TMCC1: variants seen among roughly 807,000 people sequenced by gnomAD.
TMCC1 encodes the protein transmembrane and coiled-coil domains protein 1.
Under a neutral mutation model 52.4 loss-of-function variants are expected in TMCC1, and 15 were observed. The observed-to-expected ratio is 0.29, with a 90% confidence interval of 0.19 to 0.44. TMCC1 has a LOEUF of 0.44. TMCC1 is among the 20% of genes least tolerant of loss of function. The pLI is 1.00. For synonymous variants in TMCC1, 279 were observed against 301.9 expected (o/e 0.92, Z 0.79); for missense variants, 503 against 806.0 (o/e 0.62, Z 4.55).
intron 5 of TMCC1, among the ~76,000 whole-genome samples, chr3:129,664,681 C>A (rs986047628): frequency 6.6e-6 from 1 of 152,182 alleles, no homozygotes; most frequent in African/African-American, 2.4e-5. Context: ...GGATTCCAGG[C>A]CAGATCCCCT....
At chr3:129,664,337 G>A (rs1248817031) in intron 5 of TMCC1, among the ~76,000 whole-genome samples, 1 of 152,172 alleles carries the variant, frequency 6.6e-6, no homozygotes, top group East Asian at 1.9e-4. Context: ...TATGTCCAAT[G>A]ATGGTCAAAT....
Position 129,732,182 on chromosome 3 carries a change from T to C in TMCC1, c.577-60918A>G, listed in dbSNP as rs113868090. Among the ~76,000 whole-genome samples the C allele has an allele frequency of 1.5e-3, 230 of 152,350 alleles. 3 individuals are homozygous for C. The highest frequency in any genetic ancestry group is 1.5e-3 in the African/African-American group (63 of 41,592). On this transcript the variant is annotated intron_variant, in intron 4 of 6. Coordinates refer to ENST00000393238, the MANE Select transcript of TMCC1 (RefSeq NM_001017395.5). ...CATATACAGTGATGTAGCCAGTGAA[T>C]AGAAATTGTTTTACTTCTTTCTTTC...
Position 129,651,827 on chromosome 3 carries a change from T to A in TMCC1, c.1648-32A>T. 1 of 1,591,644 alleles carries A rather than the reference T, an allele frequency of 6.3e-7. No homozygotes were observed. Among genetic ancestry groups the A allele is most frequent in the Non-Finnish European group, 8.6e-7 (1 of 1,169,086 alleles). On this transcript the variant is annotated intron_variant, in intron 6 of 6. Coordinates refer to ENST00000393238, the MANE Select transcript of TMCC1 (RefSeq NM_001017395.5). This position sits in a 1 kb window ranked among gnomAD's most constrained non-coding sequence, Gnocchi z 5.1. The stretch of plus-strand genomic sequence containing the variant: ...GCCAGAACAGGGAAGAGTTAAGCCT[T>A]CTGCTCACAAGTATTCTGAGATGCT...
chr3:129,811,186 T>C (rs752660742), intron 4 of TMCC1, among the ~76,000 whole-genome samples: 123 of 152,224 alleles, frequency 8.1e-4, no homozygotes, highest in Non-Finnish European at 1.6e-3. Flanking sequence ...ACTACTCCAT[T>C]GTTAAGCTTA....
At chr3:129,691,300 C>A (rs1398442186) in intron 4 of TMCC1, among the ~76,000 whole-genome samples, 4 of 152,142 alleles carry the variant, frequency 2.6e-5, no homozygotes, top group Non-Finnish European at 5.9e-5. Context: ...ATAATCCCAG[C>A]ACTTTAGGAA....
intron 4 of TMCC1, among the ~76,000 whole-genome samples, chr3:129,795,543 A>C (rs1265213620): frequency 1.3e-5 from 2 of 152,236 alleles, no homozygotes; most frequent in Non-Finnish European, 2.9e-5. Flanking sequence ...TGTTGGAATG[A>C]ACCTACTATG....
intron 4 of TMCC1, among the ~76,000 whole-genome samples, chr3:129,825,588 T>C (rs977831436): frequency 2.6e-5 from 4 of 151,760 alleles, no homozygotes; most frequent in Non-Finnish European, 5.9e-5. Flanking sequence ...CAGCCTGGAG[T>C]GCAGCAATAA....
At chr3:129,829,257 A>G (rs945159088) in intron 3 of TMCC1, among the ~76,000 whole-genome samples, 5 of 152,206 alleles carry the variant, frequency 3.3e-5, no homozygotes, top group African/African-American at 7.2e-5. Context: ...CTTTCTCTAT[A>G]GTGTCATCCC....
intron 2 of TMCC1, among the ~76,000 whole-genome samples, chr3:129,841,906 G>A (rs910417601): frequency 3.3e-5 from 5 of 152,092 alleles, no homozygotes; most frequent in African/African-American, 9.7e-5. Context: ...CCAGCCATGC[G>A]GCACTGTGAG....
chr3:129,667,220 T>TAAAAAAA (rs1202933776), intron 5 of TMCC1, among the ~76,000 whole-genome samples: 2 of 85,800 alleles, frequency 2.3e-5, no homozygotes, highest in Non-Finnish European at 4.6e-5. Context: ...CCCTGACTCT[T>TAAAAAAA]AAAAAAAAAA....
chr3:129,832,260 C>T (rs2058955237), intron 3 of TMCC1, among the ~76,000 whole-genome samples: 1 of 152,150 alleles, frequency 6.6e-6, no homozygotes, highest in Non-Finnish European at 1.5e-5. Flanking sequence ...CTCTTTTATT[C>T]ACTCAGCTTC....
intron 4 of TMCC1, among the ~76,000 whole-genome samples, chr3:129,673,314 A>G (rs1012501374): frequency 1.3e-5 from 2 of 152,126 alleles, no homozygotes; most frequent in Non-Finnish European, 2.9e-5. Context: ...TCAGTGCCCA[A>G]TGTCTTCTAG....
intron 4 of TMCC1, among the ~76,000 whole-genome samples, chr3:129,715,213 G>A (rs1489478657): frequency 6.6e-6 from 1 of 152,126 alleles, no homozygotes; most frequent in East Asian, 1.9e-4. Flanking sequence ...TGTCTTTTCT[G>A]AAGACAAATG....
Position 129,743,935 on chromosome 3 carries a change from T to TA in TMCC1, c.577-72672dup, listed in dbSNP as rs748095065. Among the ~76,000 whole-genome samples the TA allele has an allele frequency of 3.5e-3, 490 of 141,594 alleles. 3 individuals are homozygous for TA. The highest frequency in any genetic ancestry group is 0.018 in the Middle Eastern group (5 of 280). 92.9% of individuals were successfully genotyped at this position (141,594 alleles called of 152,430 possible). A position where few individuals can be genotyped will look rare whatever the true frequency, so the allele number is the denominator to read the frequency against. On this transcript the variant is annotated intron_variant, in intron 4 of 6. Transcript: ENST00000393238. ...GTGTCATTTGCCAAGTGCACTTGTT[T>TA]AAAAAAAAAAAAAAGAGTACAGTCA... is the stretch of plus-strand genomic sequence containing the variant.
At position 129,688,244 on chromosome 3, in the gene TMCC1, C is replaced by T. The variant is rs140109018; in HGVS notation, c.577-16980G>A. On this transcript the variant is annotated intron_variant, in intron 4 of 6. Transcript: ENST00000393238. ...AAGCTCATCCTTCATTTGTGCACTG[C>T]CAGAGAAAGCTTGGATGGTAAAAAA... The T allele has an allele frequency of 3.0e-6, 3 of 985,096 alleles. No individual in the cohort carries two copies. In the South Asian group the frequency reaches 1.4e-4, roughly 46 times the overall value. 61.0% of individuals were successfully genotyped at this position (985,096 alleles called of 1,614,324 possible). A position where few individuals can be genotyped will look rare whatever the true frequency, so the allele number is the denominator to read the frequency against.
intron 4 of TMCC1, among the ~76,000 whole-genome samples, chr3:129,675,073 C>T (rs1315902891): frequency 6.6e-6 from 1 of 152,120 alleles, no homozygotes; most frequent in Non-Finnish European, 1.5e-5. Flanking sequence ...TTCCTGACCC[C>T]CAGTGATCTG....
chr3:129,733,466 A>G (rs2050705427), intron 4 of TMCC1, among the ~76,000 whole-genome samples: 1 of 152,344 alleles, frequency 6.6e-6, no homozygotes, highest in Non-Finnish European at 1.5e-5. Flanking sequence ...GAAGCCTCTT[A>G]GTAGATGTGG....
At chr3:129,824,300 C>A (rs1444083562) in intron 4 of TMCC1, among the ~76,000 whole-genome samples, 1 of 152,144 alleles carries the variant, frequency 6.6e-6, no homozygotes, top group Non-Finnish European at 1.5e-5. Context: ...CATGCCGCTG[C>A]ACTCCAGCCT....
Position 129,695,752 on chromosome 3 carries a change from C to G in TMCC1, c.577-24488G>C, listed in dbSNP as rs183982975. 9.2e-5 allele frequency among the ~76,000 whole-genome samples: 14 copies of G among 152,234 alleles called. No homozygotes were observed. The East Asian group carries it at 2.7e-3, about 29-fold the overall frequency. On this transcript the variant is annotated intron_variant, in intron 4 of 6. Coordinates refer to ENST00000393238, the MANE Select transcript of TMCC1 (RefSeq NM_001017395.5). ...CCAAATCATATCATTCTGCCCCTGA[C>G]CCCTCCCAAATCTCATGTCCTCACA...
Sources: allele counts gnomAD v4.1 joint callset (sites outside exome capture counted in the v4.1 genomes callset), GRCh38; gene constraint gnomAD v4.1.1; non-coding constraint Gnocchi (gnomAD v3.1); transcripts MANE v1.5; gene names NCBI Gene and HGNC (gene_info 2026-07-23, HGNC 2026-07-21).